LDB2: variants seen among roughly 807,000 people sequenced by gnomAD.
The protein encoded by LDB2 is LIM domain binding 2, also known as LIM domain-binding protein 2.
In LDB2, 12 loss-of-function variants were observed where a neutral mutation model predicts 44.3. The ratio of observed to expected loss-of-function variants is 0.27; its 90% confidence interval spans 0.17 to 0.44. The LOEUF (loss-of-function observed/expected upper bound fraction) is 0.44, where lower values mean the gene tolerates loss of function less well. Ranked by LOEUF, LDB2 falls within the 20% of genes least tolerant of loss-of-function variation. LDB2 has a pLI of 1.00. For synonymous variants in LDB2, 164 were observed against 174.8 expected (o/e 0.94, Z 0.49); for missense variants, 344 against 473.5 (o/e 0.73, Z 2.54).
intron 5 of LDB2, among the ~76,000 whole-genome samples, chr4:16,561,170 C>T (rs1446973976): frequency 2.0e-5 from 3 of 152,006 alleles, no homozygotes; most frequent in African/African-American, 4.8e-5. Flanking sequence ...GACAGGGATG[C>T]CCTCTCTCAC....
At chr4:16,655,896 CTTTTTTT>C (rs747097456) in intron 2 of LDB2, among the ~76,000 whole-genome samples, 37 of 93,314 alleles carry the variant, frequency 4.0e-4, no homozygotes, top group African/African-American at 1.4e-3. Flanking sequence ...TGCAAGAAAA[CTTTTTTT>C]TTTTTTTTTT....
chr4:16,535,006 C>CT (rs1731293450), intron 5 of LDB2, among the ~76,000 whole-genome samples: 1 of 152,174 alleles, frequency 6.6e-6, no homozygotes, highest in Non-Finnish European at 1.5e-5. Flanking sequence ...AGTCTCAACT[C>CT]TCCCCAAAGT....
At chr4:16,548,258 C>A (rs1020784447) in intron 5 of LDB2, among the ~76,000 whole-genome samples, 8 of 152,162 alleles carry the variant, frequency 5.3e-5, no homozygotes, top group South Asian at 2.1e-4. Flanking sequence ...CTTAGGAGCC[C>A]ATGTTCCATA....
chr4:16,504,496 A>G (rs1241261039), intron 7 of LDB2, among the ~76,000 whole-genome samples: 1 of 152,260 alleles, frequency 6.6e-6, no homozygotes, highest in Non-Finnish European at 1.5e-5. Flanking sequence ...TGGTAAACCC[A>G]GCAATAAAAA....
intron 1 of LDB2, among the ~76,000 whole-genome samples, chr4:16,873,342 A>T (rs893464564): frequency 6.6e-6 from 1 of 152,220 alleles, no homozygotes; most frequent in African/African-American, 2.4e-5. Context: ...CCCTAAGTCA[A>T]TAAGATGGAT....
intron 1 of LDB2, among the ~76,000 whole-genome samples, chr4:16,891,327 T>C (rs1723324157): frequency 7.5e-6 from 1 of 133,776 alleles, no homozygotes; most frequent in Non-Finnish European, 1.6e-5. Flanking sequence ...TTTTTTTTTT[T>C]TTTGAGATGG....
rs1386094395 is a variant in LDB2, at chr4:16,508,634, G to A, written c.792C>T (p.Thr264=). ...CAGCGCTGCTGTTGGAAGTGCTGCT[G>A]GTGGAATTTTTCCTTTTTCTCCGTT... ...TTKRRKRKNS[T]SSTSNSSAGN... is the part of the protein sequence containing the mutation. Residue 264 remains threonine, a synonymous_variant, in exon 7 of 8, where the codon ACC becomes ACT. Coordinates refer to ENST00000304523, the MANE Select transcript of LDB2 (RefSeq NM_001290.5). The A allele has an allele frequency of 6.2e-7, 1 of 1,613,732 alleles. No homozygotes were observed. Among genetic ancestry groups the A allele is most frequent in the Non-Finnish European group, 8.5e-7 (1 of 1,179,818 alleles).
intron 5 of LDB2, among the ~76,000 whole-genome samples, chr4:16,558,030 A>T (rs1454451100): frequency 6.6e-6 from 1 of 152,238 alleles, no homozygotes; most frequent in Non-Finnish European, 1.5e-5. Context: ...GAAAACTAAC[A>T]AACAGAAAGG....
In LDB2 at chr4:16,774,030, C is replaced by T. The variant is rs374029515; in HGVS notation, c.133-14770G>A. 2.6e-4 allele frequency among the ~76,000 whole-genome samples: 39 copies of T among 150,820 alleles called. 1 individual carries two copies. In the East Asian group the frequency reaches 4.5e-3, roughly 17 times the overall value. ...AATAGCTGGGCGTGCTGGCGCATGC[C>T]TATAATCCCAGCTACTCGGGGGGCT... On this transcript the variant is annotated intron_variant, in intron 1 of 7. Transcript: ENST00000304523.
At chr4:16,623,473 G>A (rs907199211) in intron 2 of LDB2, among the ~76,000 whole-genome samples, 3 of 151,888 alleles carry the variant, frequency 2.0e-5, no homozygotes, top group Admixed American at 6.6e-5. Context: ...GCCACACACC[G>A]GTAATCCCAG....
At chr4:16,574,620 CAT>C (rs1474544390) in intron 5 of LDB2, among the ~76,000 whole-genome samples, 1 of 152,184 alleles carries the variant, frequency 6.6e-6, no homozygotes, top group Non-Finnish European at 1.5e-5. Flanking sequence ...ATTATTCACA[CAT>C]GAGAGAACTG....
intron 1 of LDB2, among the ~76,000 whole-genome samples, chr4:16,788,708 A>C (rs992032104): frequency 6.6e-6 from 1 of 152,222 alleles, no homozygotes; most frequent in Non-Finnish European, 1.5e-5. Context: ...GAATGAAGAC[A>C]AGAAGGAAGG....
intron 1 of LDB2, among the ~76,000 whole-genome samples, chr4:16,820,617 G>A (rs1468649592): frequency 6.6e-6 from 1 of 152,200 alleles, no homozygotes; most frequent in Non-Finnish European, 1.5e-5. Flanking sequence ...AGAGGCTCCA[G>A]AGGAAATACG....
chr4:16,754,688 C>T (rs1262823251), intron 2 of LDB2, among the ~76,000 whole-genome samples: 8 of 152,022 alleles, frequency 5.3e-5, no homozygotes, highest in Non-Finnish European at 1.0e-4. Flanking sequence ...CATGCCACCA[C>T]GCCCAGCCAA....
chr4:16,596,886 C>T (rs1243145910), intron 2 of LDB2, among the ~76,000 whole-genome samples: 2 of 152,234 alleles, frequency 1.3e-5, no homozygotes, highest in East Asian at 3.9e-4. Context: ...CTCATAATAT[C>T]AGGAATTTTG....
intron 2 of LDB2, among the ~76,000 whole-genome samples, chr4:16,612,383 A>G (rs1725902450): frequency 6.6e-6 from 1 of 151,894 alleles, no homozygotes; most frequent in Non-Finnish European, 1.5e-5. Flanking sequence ...ATTGAAGGAG[A>G]CAGAGACACG....
chr4:16,668,107 T>C (rs544646614), intron 2 of LDB2, among the ~76,000 whole-genome samples: 46 of 152,338 alleles, frequency 3.0e-4, no homozygotes, highest in Non-Finnish European at 6.0e-4. Flanking sequence ...ATGCATTTCA[T>C]ATGATAAAAG....
intron 1 of LDB2, among the ~76,000 whole-genome samples, chr4:16,795,155 A>C (rs1361837558): frequency 1.3e-5 from 2 of 152,204 alleles, no homozygotes; most frequent in Non-Finnish European, 2.9e-5. Context: ...TGGCAGAAAG[A>C]GTAGGAATTG....
chr4:16,508,768 C>T lies in LDB2; in HGVS notation c.740-82G>A, dbSNP rs149040508. Reference sequence around the variant, plus strand: ...CATCAGTATGGTTACTCTAAGGAAGCTGTCTTGGTAAACTGAAGAGTAGAC... The same window carrying T: ...CATCAGTATGGTTACTCTAAGGAAGTTGTCTTGGTAAACTGAAGAGTAGAC... On this transcript the variant is annotated intron_variant, in intron 6 of 7. Transcript: ENST00000304523. 1.1e-4 allele frequency: 154 copies of T among 1,368,478 alleles called. No homozygotes were observed. The African/African-American group carries it at 1.9e-3, about 17-fold the overall frequency. 84.8% of individuals were successfully genotyped at this position (1,368,478 alleles called of 1,614,324 possible).
Sources: gnomAD v4.1 joint callset for allele counts (sites outside exome capture counted in the v4.1 genomes callset) on GRCh38, gnomAD v4.1.1 for gene constraint, MANE v1.5 for transcripts, NCBI Gene and HGNC (gene_info 2026-07-23, HGNC 2026-07-21) for gene names.